Variants in RANBP2 observed in about 807,000 individuals in gnomAD.
RANBP2 encodes the protein RAN binding protein 2, also known as E3 SUMO-protein ligase RanBP2.
RANBP2 carries 57 observed loss-of-function variants against 303.6 expected under a neutral mutation model. The ratio of observed to expected loss-of-function variants is 0.19; its 90% CI spans 0.15 to 0.23. The LOEUF (loss-of-function observed/expected upper bound fraction) is 0.23, where lower values mean the gene tolerates loss of function less well. RANBP2 is among the 10% of genes least tolerant of loss of function. The pLI is 1.00. For missense variants in RANBP2, 3,138 were observed against 3,780.8 expected, an observed-to-expected ratio of 0.83 and a Z score of 4.46; for synonymous variants, 1,167 against 1,301.5, an observed-to-expected ratio of 0.90 and a Z score of 2.23.
the RANBP2 span, among the ~76,000 whole-genome samples, chr2:109,540,530 A>G: frequency 6.6e-6 from 1 of 152,092 alleles, no homozygotes; most frequent in Non-Finnish European, 1.5e-5. Flanking sequence ...TTCTCTTAAT[A>G]TACTGAAAAT....
At chr2:108,853,933 T>A in the RANBP2 span, among the ~76,000 whole-genome samples, 5 of 123,848 alleles carry the variant, frequency 4.0e-5, no homozygotes, top group Non-Finnish European at 4.8e-5. Context: ...TTATATATAA[T>A]TTATATATAA....
At chr2:109,193,894 C>T in the RANBP2 span, among the ~76,000 whole-genome samples, 1 of 152,208 alleles carries the variant, frequency 6.6e-6, no homozygotes, top group Non-Finnish European at 1.5e-5. Flanking sequence ...CAGGGTTTGG[C>T]AGGCTGCAAG....
At chr2:109,197,471 C>T in the RANBP2 span, among the ~76,000 whole-genome samples, 1 of 152,304 alleles carries the variant, frequency 6.6e-6, no homozygotes, top group Non-Finnish European at 1.5e-5. Context: ...AGGCTCTCCC[C>T]AACCCCAGCA....
chr2:109,634,119 CAAAAAAAAAAAAAAA>C, the RANBP2 span, among the ~76,000 whole-genome samples: 2 of 56,086 alleles, frequency 3.6e-5, no homozygotes, highest in Admixed American at 3.6e-4. Flanking sequence ...GACTCTGTCT[CAAAAAAAAAAAAAAA>C]AAAAAAAAAA....
the RANBP2 span, among the ~76,000 whole-genome samples, chr2:109,117,953 C>T: frequency 2.0e-5 from 3 of 152,304 alleles, no homozygotes; most frequent in South Asian, 4.1e-4. Flanking sequence ...AGTGCCACTG[C>T]CTGCCCTCTG....
the RANBP2 span, among the ~76,000 whole-genome samples, chr2:109,148,652 A>G: frequency 6.6e-6 from 1 of 152,334 alleles, no homozygotes; most frequent in African/African-American, 2.4e-5. Flanking sequence ...ACAGCGTTTA[A>G]AAATGTGAAA....
intron 1 of RANBP2, among the ~76,000 whole-genome samples, chr2:108,725,527 G>A (rs1694631090): frequency 6.6e-6 from 1 of 152,136 alleles, no homozygotes; most frequent in Admixed American, 6.5e-5. Context: ...TTTGGGAGGT[G>A]GAGGAAGTCA....
chr2:109,334,338 A>G, the RANBP2 span, among the ~76,000 whole-genome samples: 1 of 131,386 alleles, frequency 7.6e-6, no homozygotes, highest in South Asian at 2.7e-4. Flanking sequence ...AGATTGGGTG[A>G]CAGTTTTTTT....
chr2:108,926,471 C>T, the RANBP2 span, among the ~76,000 whole-genome samples: 5 of 152,198 alleles, frequency 3.3e-5, no homozygotes, highest in African/African-American at 4.8e-5. Context: ...CTGTAAGGGA[C>T]GCCGCAGATT....
the RANBP2 span, among the ~76,000 whole-genome samples, chr2:109,724,711 C>T: frequency 2.0e-5 from 3 of 152,152 alleles, no homozygotes; most frequent in Admixed American, 1.3e-4. Flanking sequence ...CCGGTTTTCT[C>T]GCCAGCTTTT....
the RANBP2 span, among the ~76,000 whole-genome samples, chr2:108,848,877 G>T: frequency 1.3e-5 from 2 of 152,148 alleles, no homozygotes; most frequent in South Asian, 4.1e-4. Context: ...GCTTCCCTGT[G>T]CAAGTCATTT....
chr2:109,564,252 T>C, the RANBP2 span: 33 of 941,564 alleles, frequency 3.5e-5, no homozygotes, highest in South Asian at 1.2e-3. Context: ...AATGATTCTA[T>C]ATCATGGTTT....
the RANBP2 span, chr2:109,592,945 A>C: frequency 7.9e-6 from 5 of 634,284 alleles, no homozygotes; most frequent in Non-Finnish European, 1.2e-5. Context: ...GGTAAGTACA[A>C]ACAGAAGTCT....
At chr2:109,609,480 T>C in the RANBP2 span, among the ~76,000 whole-genome samples, 1 of 151,790 alleles carries the variant, frequency 6.6e-6, no homozygotes, top group East Asian at 1.9e-4. Context: ...AAATACCAAA[T>C]GAGAAGCAGC....
chr2:109,574,709 GTTC>G, the RANBP2 span: 1 of 1,606,656 alleles, frequency 6.2e-7, no homozygotes, highest in Non-Finnish European at 8.5e-7. Flanking sequence ...TTAATCTTCA[GTTC>G]TTCTTGGAGA....
At chr2:109,161,285 C>T in the RANBP2 span, among the ~76,000 whole-genome samples, 1 of 152,140 alleles carries the variant, frequency 6.6e-6, no homozygotes, top group Non-Finnish European at 1.5e-5. Flanking sequence ...CAGGGTGCTA[C>T]AGAGTTAGGA....
At chr2:108,795,760 G>C in the RANBP2 span, among the ~76,000 whole-genome samples, 1 of 152,184 alleles carries the variant, frequency 6.6e-6, no homozygotes, top group Non-Finnish European at 1.5e-5. Context: ...TTGGAAATGA[G>C]AGGTGTTCTG....
the RANBP2 span, among the ~76,000 whole-genome samples, chr2:109,602,698 A>G: frequency 6.7e-6 from 1 of 150,372 alleles, no homozygotes; most frequent in South Asian, 2.1e-4. Flanking sequence ...AAAAAAAAAA[A>G]GGATTACTAG....
chr2:109,742,466 T>A, the RANBP2 span, among the ~76,000 whole-genome samples: 4 of 142,270 alleles, frequency 2.8e-5, no homozygotes, highest in East Asian at 6.1e-4. Context: ...ACAAACAAAC[T>A]ATATATGTAT....
Sources: allele counts gnomAD v4.1 joint callset (sites outside exome capture counted in the v4.1 genomes callset), GRCh38; gene constraint gnomAD v4.1.1; transcripts MANE v1.5; gene names NCBI Gene and HGNC (gene_info 2026-07-23, HGNC 2026-07-21).